The following IL4R variants were observed in gnomAD, a reference collection of about 807,000 sequenced individuals.
IL4R encodes interleukin-4 receptor subunit alpha.
Under a neutral mutation model 41.5 loss-of-function variants are expected in IL4R, and 17 were observed. That is an observed-to-expected ratio of 0.41 (90% CI 0.28 to 0.61). IL4R has a LOEUF of 0.61. IL4R is among the 20% of genes least tolerant of loss of function. The pLI is 0.31. For missense variants in IL4R, 974 were observed against 1,043.1 expected, an observed-to-expected ratio of 0.93 and a Z score of 0.91; for synonymous variants, 402 against 422.9, an observed-to-expected ratio of 0.95 and a Z score of 0.61.
At chr16:27,340,342 A>G (rs879232981) in intron 3 of IL4R, 69 bp downstream of exon 3, 8 of 1,192,008 alleles carry the variant, frequency 6.7e-6, no homozygotes, top group Non-Finnish European at 1.0e-5. Flanking sequence ...GCAGTATGTC[A>G]CCTGGCCTTA....
intron 10 of IL4R, 145 bp from the exon 11 acceptor site, chr16:27,362,107 C>A: frequency 1.2e-6 from 1 of 814,304 alleles, no homozygotes. Flanking sequence ...GCAACATAGA[C>A]TGATCAATTA....
At chr16:27,344,497 T>C (rs770771938) in intron 4 of IL4R, among the ~76,000 whole-genome samples, 1 of 152,048 alleles carries the variant, frequency 6.6e-6, no homozygotes, top group African/African-American at 2.4e-5. Context: ...AGGTGGAACA[T>C]TGGAATTATC....
At chr16:27,314,731 C>T (rs1032253712) in intron 1 of IL4R, among the ~76,000 whole-genome samples, 1 of 152,214 alleles carries the variant, frequency 6.6e-6, no homozygotes, top group African/African-American at 2.4e-5. Context: ...ATCTCTCAAT[C>T]ACGTTTGAGG....
chr16:27,321,120 T>C (rs1567304201), intron 1 of IL4R, among the ~76,000 whole-genome samples: 1 of 152,016 alleles, frequency 6.6e-6, no homozygotes, highest in Non-Finnish European at 1.5e-5. Flanking sequence ...ATTTTTGTAT[T>C]TTTATTAGCA....
intron 1 of IL4R, among the ~76,000 whole-genome samples, chr16:27,327,140 A>AGCCCCC (rs1443475123): frequency 1.3e-5 from 2 of 152,070 alleles, no homozygotes; most frequent in African/African-American, 4.8e-5. Context: ...CCAAAGCCCC[A>AGCCCCC]GCCCCCACCC....
intron 7 of IL4R, among the ~76,000 whole-genome samples, chr16:27,354,707 G>A (rs974499368): frequency 6.6e-5 from 10 of 152,228 alleles, no homozygotes; most frequent in East Asian, 3.8e-4. Flanking sequence ...AAGGGCTGTC[G>A]TAAAAACTCA....
chr16:27,314,736 T>C (rs1025622421), intron 1 of IL4R, among the ~76,000 whole-genome samples: 1 of 152,176 alleles, frequency 6.6e-6, no homozygotes, highest in Admixed American at 6.5e-5. Flanking sequence ...TCAATCACGT[T>C]TGAGGAGCCC....
intron 2 of IL4R, among the ~76,000 whole-genome samples, chr16:27,337,781 A>G (rs1207388099): frequency 6.6e-6 from 1 of 150,670 alleles, no homozygotes; most frequent in South Asian, 2.1e-4. Flanking sequence ...GACAGGTTTC[A>G]CCATGTTGGC....
chr16:27,358,784 G>T, intron 8 of IL4R, 132 bp from the exon 9 acceptor site: 2 of 671,952 alleles, frequency 3.0e-6, no homozygotes, highest in Non-Finnish European at 5.5e-6. Flanking sequence ...TGAGTCAGTG[G>T]TTTGACCTCC....
chr16:27,358,223 A>G (rs1260116662), intron 8 of IL4R, among the ~76,000 whole-genome samples: 1 of 152,192 alleles, frequency 6.6e-6, no homozygotes, highest in African/African-American at 2.4e-5. Context: ...TCCATTTATC[A>G]TCCATCTTTC....
At chr16:27,359,891 G>A in intron 9 of IL4R, 1 of 448,604 alleles carries the variant, frequency 2.2e-6, no homozygotes, top group Non-Finnish European at 4.5e-6. Context: ...GCTTCTGCAG[G>A]CTGGCATTTG....
At chr16:27,328,215 A>AAAAAAAAAAAAAC (rs2085016680) in intron 1 of IL4R, among the ~76,000 whole-genome samples, 1 of 151,536 alleles carries the variant, frequency 6.6e-6, no homozygotes, top group Non-Finnish European at 1.5e-5. Context: ...CAAAAAAAAA[A>AAAAAAAAAAAAAC]AAAAAAAAGA....
intron 10 of IL4R, among the ~76,000 whole-genome samples, chr16:27,361,384 T>G (rs1229681069): frequency 6.6e-6 from 1 of 151,914 alleles, no homozygotes; most frequent in Non-Finnish European, 1.5e-5. Flanking sequence ...GAGGCAGAGG[T>G]TGCAGTGAGC....
At chr16:27,316,916 T>TTC (rs1200080433) in intron 1 of IL4R, among the ~76,000 whole-genome samples, 1 of 151,904 alleles carries the variant, frequency 6.6e-6, no homozygotes, top group Non-Finnish European at 1.5e-5. Flanking sequence ...CTTTTTTTTT[T>TTC]TTTTAGAGCC....
intron 1 of IL4R, among the ~76,000 whole-genome samples, chr16:27,320,467 G>C (rs1329392906): frequency 2.6e-5 from 4 of 152,116 alleles, no homozygotes; most frequent in Non-Finnish European, 5.9e-5. Context: ...GAGATGAGTG[G>C]GTGTCCTGCT....
intron 1 of IL4R, among the ~76,000 whole-genome samples, chr16:27,321,391 T>A (rs1329788758): frequency 3.9e-5 from 6 of 152,246 alleles, no homozygotes; most frequent in Admixed American, 3.3e-4. Flanking sequence ...CAGGAAATTA[T>A]AAGTTTGGCC....
rs764020291 is a variant in IL4R at position 27,363,224 on chromosome 16, T to C, written c.1872T>C (p.Ala624=). 1 of 1,607,870 alleles carries C rather than the reference T, an allele frequency of 6.2e-7. No homozygotes were observed. The highest frequency in any genetic ancestry group is 8.5e-7 in the Non-Finnish European group (1 of 1,176,526). Residue 624 remains alanine, a synonymous_variant, in exon 11 of 11, where the codon GCT becomes GCC. Coordinates refer to ENST00000395762, the MANE Select transcript of IL4R (RefSeq NM_000418.4). Reference sequence around the variant, plus strand: ...CCCCAGAGAAATGTGGGTTTGGGGCTAGCAGTGGGGAAGAGGGGTATAAGC... The same window carrying C: ...CCCCAGAGAAATGTGGGTTTGGGGCCAGCAGTGGGGAAGAGGGGTATAAGC... ...AVSPEKCGFG[A]SSGEEGYKPF...
chr16:27,347,345 C>T (rs1373433355), intron 6 of IL4R, among the ~76,000 whole-genome samples: 1 of 152,170 alleles, frequency 6.6e-6, no homozygotes, highest in African/African-American at 2.4e-5. Context: ...CACCTGCCAC[C>T]GTGCCCAGCT....
intron 1 of IL4R, among the ~76,000 whole-genome samples, chr16:27,321,193 C>T (rs2084804059): frequency 6.6e-6 from 1 of 152,124 alleles, no homozygotes; most frequent in South Asian, 2.1e-4. Flanking sequence ...ATCCGCCCAC[C>T]TCAGCCTCCC....
Sources: gnomAD v4.1 joint callset for allele counts (sites outside exome capture counted in the v4.1 genomes callset) on GRCh38, gnomAD v4.1.1 for gene constraint, MANE v1.5 for transcripts, NCBI Gene and HGNC (gene_info 2026-07-23, HGNC 2026-07-21) for gene names.